The following PCDH15 variants were observed in gnomAD, a reference collection of about 807,000 sequenced individuals.
PCDH15 encodes protocadherin related 15, also known as protocadherin-15.
PCDH15 carries 129 observed loss-of-function variants against 178.5 expected under a neutral mutation model. The observed-to-expected ratio is 0.72, with a 90% CI of 0.63 to 0.84. The LOEUF (loss-of-function observed/expected upper bound fraction) is 0.84. Ranked by LOEUF, PCDH15 falls within the 40% of genes least tolerant of loss-of-function variation. The probability of loss-of-function intolerance (pLI) is 0.00; values close to 1 mark genes in which losing one functional copy is unlikely to be tolerated. For missense variants in PCDH15, 2,230 were observed against 2,099.9 expected, an observed-to-expected ratio of 1.06 and a Z score of -1.21; for synonymous variants, 800 against 732.0, an observed-to-expected ratio of 1.09 and a Z score of -1.50.
intron 2 of PCDH15, among the ~76,000 whole-genome samples, chr10:54,907,007 A>T (rs1431995652): frequency 6.6e-5 from 10 of 152,100 alleles, no homozygotes; most frequent in African/African-American, 2.4e-4. Context: ...TTGGCCACAA[A>T]CCTAATGGAT....
At chr10:54,406,631 A>G (rs558117123) in intron 3 of PCDH15, among the ~76,000 whole-genome samples, 4 of 152,272 alleles carry the variant, frequency 2.6e-5, no homozygotes, top group African/African-American at 9.6e-5. Context: ...TAGCCTTTCC[A>G]CTAACACTTC....
intron 2 of PCDH15, among the ~76,000 whole-genome samples, chr10:55,390,967 T>A (rs1054603573): frequency 1.3e-5 from 2 of 152,198 alleles, no homozygotes; most frequent in Non-Finnish European, 2.9e-5. Context: ...ATGGCAAGTG[T>A]GCATTGGTTT....
chr10:54,144,612 T>C (rs551933473), intron 14 of PCDH15, among the ~76,000 whole-genome samples: 1 of 152,296 alleles, frequency 6.6e-6, no homozygotes, highest in Admixed American at 6.5e-5. Context: ...TGATCTCCCA[T>C]CGCCTCAGCG....
At chr10:55,183,463 A>G (rs1591972452) in intron 1 of PCDH15, among the ~76,000 whole-genome samples, 1 of 152,020 alleles carries the variant, frequency 6.6e-6, no homozygotes, top group African/African-American at 2.4e-5. Context: ...ACCCAAAATA[A>G]GCTGGTTTTC....
chr10:53,971,457 G>C (rs984810395), intron 21 of PCDH15, among the ~76,000 whole-genome samples: 2 of 152,114 alleles, frequency 1.3e-5, no homozygotes, highest in African/African-American at 2.4e-5. Flanking sequence ...GCAGGAGAAA[G>C]AAATAAATGA....
At chr10:53,936,445 A>G (rs900466111) in intron 25 of PCDH15, among the ~76,000 whole-genome samples, 2 of 152,270 alleles carry the variant, frequency 1.3e-5, no homozygotes, top group South Asian at 2.1e-4. Context: ...ACCTGCTTCA[A>G]AATAATGCAA....
At position 53,810,560 on chromosome 10, in the gene PCDH15, T is replaced by C; in HGVS notation, c.4667A>G (p.Glu1556Gly). Residue 1556 changes from glutamate to glycine, a missense_variant, in exon 37 of 38, where the codon GAA (glutamate) becomes GGA (glycine). By Grantham distance (98) the Glu-to-Gly change is moderately conservative. Transcript: ENST00000644397. Reference sequence around the variant, plus strand: ...TAATAAAATTACAGTAATTACCTCTTCCTCCTCATATTCTTCCTCAGCTTC... The same window carrying C: ...TAATAAAATTACAGTAATTACCTCTCCCTCCTCATATTCTTCCTCAGCTTC... ...VGEAEEEYEE[E>G]EWARKRMIKL... is the part of the protein sequence containing the mutation. 1 of 1,612,768 alleles carries C rather than the reference T, an allele frequency of 6.2e-7. No homozygotes were observed. Among genetic ancestry groups the C allele is most frequent in the Middle Eastern group, 1.7e-4 (1 of 6,056 alleles).
chr10:54,405,339 G>A (rs1453590375), intron 3 of PCDH15, among the ~76,000 whole-genome samples: 1 of 152,050 alleles, frequency 6.6e-6, no homozygotes, highest in African/African-American at 2.4e-5. Context: ...GTACCACATG[G>A]AATACTATGC....
intron 2 of PCDH15, among the ~76,000 whole-genome samples, chr10:55,581,732 A>G (rs1391526241): frequency 6.6e-6 from 1 of 152,218 alleles, no homozygotes; most frequent in Non-Finnish European, 1.5e-5. Context: ...AGGACCTGGT[A>G]TATGGACTTC....
At chr10:53,811,661 T>A (rs1271433730) in intron 35 of PCDH15, 42 bp from the exon 36 acceptor site, 3 of 1,325,218 alleles carry the variant, frequency 2.3e-6, no homozygotes, top group African/African-American at 3.0e-5. Context: ...AACGAATTCT[T>A]ATCACGTTTC....
chr10:54,312,006 C>A (rs1370538125), intron 8 of PCDH15, among the ~76,000 whole-genome samples: 1 of 151,998 alleles, frequency 6.6e-6, no homozygotes, highest in Non-Finnish European at 1.5e-5. Context: ...AGGAAAATTT[C>A]ACATCAACAT....
At chr10:55,107,689 C>A (rs1220351549) in intron 2 of PCDH15, among the ~76,000 whole-genome samples, 1 of 151,584 alleles carries the variant, frequency 6.6e-6, no homozygotes, top group Non-Finnish European at 1.5e-5. Flanking sequence ...GACGGGGTTT[C>A]ATCATGTTGG....
At chr10:55,294,352 T>C (rs771794467) in intron 1 of PCDH15, among the ~76,000 whole-genome samples, 1 of 152,196 alleles carries the variant, frequency 6.6e-6, no homozygotes, top group African/African-American at 2.4e-5. Context: ...CGGTTAGTTA[T>C]GGTTATGTAT....
At chr10:54,177,059 CTG>C (rs1277623741) in intron 13 of PCDH15, among the ~76,000 whole-genome samples, 1 of 151,806 alleles carries the variant, frequency 6.6e-6, no homozygotes, top group Admixed American at 6.6e-5. Flanking sequence ...AATAAATAAA[CTG>C]TGTTACATCT....
At chr10:55,167,337 A>G (rs1387561992) in intron 1 of PCDH15, among the ~76,000 whole-genome samples, 1 of 151,996 alleles carries the variant, frequency 6.6e-6, no homozygotes, top group Non-Finnish European at 1.5e-5. Flanking sequence ...GCTTGTCTCA[A>G]ACTTCTGGGC....
chr10:55,159,327 G>C (rs1838988294), intron 2 of PCDH15, among the ~76,000 whole-genome samples: 1 of 148,170 alleles, frequency 6.7e-6, no homozygotes, highest in Non-Finnish European at 1.5e-5. Flanking sequence ...TTTCCTTTAG[G>C]AGGTAAGATT....
intron 7 of PCDH15, among the ~76,000 whole-genome samples, chr10:54,327,132 C>A (rs768822782): frequency 1.3e-5 from 2 of 151,758 alleles, no homozygotes; most frequent in Non-Finnish European, 2.9e-5. Context: ...AACTAGACAC[C>A]AATTCAGAAT....
chr10:55,130,341 C>T (rs1429142382), intron 2 of PCDH15, among the ~76,000 whole-genome samples: 1 of 151,978 alleles, frequency 6.6e-6, no homozygotes, highest in Non-Finnish European at 1.5e-5. Flanking sequence ...ATAGCTAATA[C>T]AAAAGCTGCA....
intron 2 of PCDH15, among the ~76,000 whole-genome samples, chr10:55,343,819 C>G (rs918041363): frequency 6.6e-6 from 1 of 152,076 alleles, no homozygotes; most frequent in Non-Finnish European, 1.5e-5. Context: ...ACGTGCCAGG[C>G]ATGTTCTATG....
Sources: allele counts gnomAD v4.1 joint callset (sites outside exome capture counted in the v4.1 genomes callset), GRCh38; gene constraint gnomAD v4.1.1; transcripts MANE v1.5; gene names NCBI Gene and HGNC (gene_info 2026-07-23, HGNC 2026-07-21).